Variants in POFUT2 observed in about 807,000 individuals in gnomAD.
The protein encoded by POFUT2 is protein O-fucosyltransferase 2.
In POFUT2, 30 loss-of-function variants were observed where a neutral mutation model predicts 55.0. That is an observed-to-expected ratio of 0.55 (90% CI 0.41 to 0.74). POFUT2 has a LOEUF of 0.74. Among genes scored for constraint, POFUT2 ranks in the 30% least tolerant of loss-of-function variants. The probability of loss-of-function intolerance (pLI) is 0.00; values close to 1 mark genes in which losing one functional copy is unlikely to be tolerated. For missense variants in POFUT2, 524 were observed against 562.6 expected (o/e 0.93, Z 0.69); for synonymous variants, 267 against 231.1 (o/e 1.16, Z -1.41).
intron 4 of POFUT2, among the ~76,000 whole-genome samples, chr21:45,280,365 G>A (rs2030466934): frequency 6.6e-6 from 1 of 152,142 alleles, no homozygotes; most frequent in African/African-American, 2.4e-5. Context: ...ATCTTCAGCT[G>A]TGGATCTACC....
Position 45,267,362 on chromosome 21 carries a change from T to C in POFUT2, c.1136+228A>G. ...GGCCAGCTATGCCAACAGCCTGCTA[T>C]GGAGGAATTCTGTGCATGAGAACTA... On this transcript the variant is annotated intron_variant, in intron 8 of 8. Coordinates refer to ENST00000349485, the MANE Select transcript of POFUT2 (RefSeq NM_133635.6). The surrounding 1 kb of genome is among the most constrained non-coding windows in gnomAD (Gnocchi z 4.4). 6.4e-7 allele frequency: 1 copy of C among 1,563,926 alleles called. No individual in the cohort carries two copies. Among genetic ancestry groups the C allele is most frequent in the Non-Finnish European group, 8.7e-7 (1 of 1,155,278 alleles).
rs1200405710 is a variant in POFUT2, at chr21:45,285,276, C to T, written c.382+402G>A. ...AAATTAAACGAGACAGACCTTTATCCCTGGCGCTGCACTGAGACACCACGA... is the reference window on the plus strand; with the variant it reads ...AAATTAAACGAGACAGACCTTTATCTCTGGCGCTGCACTGAGACACCACGA... On this transcript the variant is annotated intron_variant, in intron 2 of 8. Transcript: ENST00000349485. This position sits in a 1 kb window ranked among gnomAD's most constrained non-coding sequence, Gnocchi z 4.9. The T allele has an allele frequency of 3.8e-6, 1 of 260,478 alleles. No individual in the cohort carries two copies. The highest frequency in any genetic ancestry group is 7.7e-6 in the Non-Finnish European group (1 of 130,316). 16.1% of individuals were successfully genotyped at this position (260,478 alleles called of 1,614,324 possible). A position where few individuals can be genotyped will look rare whatever the true frequency, so the allele number is the denominator to read the frequency against.
At chr21:45,266,250 G>A in intron 8 of POFUT2, 1 of 1,367,588 alleles carries the variant, frequency 7.3e-7, no homozygotes, top group South Asian at 1.1e-5. Flanking sequence ...GCAAACCCCA[G>A]AGATGTTTCC....
In POFUT2 at chr21:45,287,774, G is replaced by A; in HGVS notation, c.98C>T (p.Ala33Val). Residue 33 changes from alanine to valine, a missense_variant, in exon 1 of 9, where the codon GCC (alanine) becomes GTC (valine). This residue lies in a region of POFUT2 where 274 missense variants were observed against 244.4 expected (regional missense o/e 1.12). Coordinates refer to ENST00000349485, the MANE Select transcript of POFUT2 (RefSeq NM_133635.6). ...GQEFWPGQSA[A>V]DILSGAASRR... Reference sequence around the variant, plus strand: ...GGAAGCCGCCCCCGACAGAATATCGGCCGCCGATTGTCCGGGCCAGAACTC... The same window carrying A: ...GGAAGCCGCCCCCGACAGAATATCGACCGCCGATTGTCCGGGCCAGAACTC... 6.6e-7 allele frequency: 1 copy of A among 1,504,048 alleles called. No homozygotes were observed. The highest frequency in any genetic ancestry group is 8.9e-7 in the Non-Finnish European group (1 of 1,121,496). The allele number at this position is 1,504,048 out of a possible 1,614,324, so 93.2% of individuals were successfully genotyped here. A position where few individuals can be genotyped will look rare whatever the true frequency, so the allele number is the denominator to read the frequency against.
rs550794732 is a variant in POFUT2 at position 45,281,629 on chromosome 21, C to T, written c.638+720G>A. Among the ~76,000 whole-genome samples, 19 of 152,066 alleles carry T rather than the reference C, an allele frequency of 1.2e-4. No homozygotes were observed. The highest frequency in any genetic ancestry group is 2.2e-4 in the Non-Finnish European group (15 of 67,986). ...GGCCTCTAGAGGCACACACAGGGCA[C>T]GACAGCAGACAAGGCAGCCTCAACG... On this transcript the variant is annotated intron_variant, in intron 4 of 8. Coordinates refer to ENST00000349485, the MANE Select transcript of POFUT2 (RefSeq NM_133635.6). This position sits in a 1 kb window ranked among gnomAD's most constrained non-coding sequence, Gnocchi z 5.0.
chr21:45,265,560 G>A lies in POFUT2; in HGVS notation c.1212C>T (p.Pro404=). ...CGCAGAACCTGTTGTACGTCGTCTT[G>A]GGGTCCAACCCCAGGATTTCTCTTT... The part of the protein sequence containing the change: ...HEEREILGLD[P]KTTYNRFCGD... Residue 404 remains proline (P), a synonymous_variant, in exon 9 of 9, where the codon CCC becomes CCT. Transcript: ENST00000349485. The surrounding 1 kb of genome is among the most constrained non-coding windows in gnomAD (Gnocchi z 4.6). 1.9e-6 allele frequency: 3 copies of A among 1,614,108 alleles called. No individual in the cohort carries two copies. Among genetic ancestry groups the A allele is most frequent in the Non-Finnish European group, 2.5e-6 (3 of 1,179,992 alleles).
chr21:45,278,235 G>A (rs774965812), intron 4 of POFUT2, 66 bp from the exon 5 acceptor site: 5 of 1,369,094 alleles, frequency 3.7e-6, no homozygotes, highest in Non-Finnish European at 5.2e-6. Flanking sequence ...CACACTCTCA[G>A]AGCACAAACT....
At chr21:45,275,413 T>C (rs2093253773) in intron 6 of POFUT2, among the ~76,000 whole-genome samples, 1 of 152,230 alleles carries the variant, frequency 6.6e-6, no homozygotes, top group Non-Finnish European at 1.5e-5. Context: ...GCAATCCCAC[T>C]GCTGGGTATC....
intron 7 of POFUT2, among the ~76,000 whole-genome samples, chr21:45,268,926 C>T (rs1448454503): frequency 9.6e-5 from 10 of 104,522 alleles, no homozygotes; most frequent in Non-Finnish European, 2.0e-4. Context: ...GTCAGCCCCC[C>T]GCCTGGCCAG....
In POFUT2 at chr21:45,283,446, T is replaced by A; in HGVS notation, c.464A>T (p.Lys155Met). 6.2e-7 allele frequency: 1 copy of A among 1,613,700 alleles called. No individual in the cohort carries two copies. The highest frequency in any genetic ancestry group is 8.5e-7 in the Non-Finnish European group (1 of 1,179,812). Residue 155 changes from lysine (K) to methionine (M), a missense_variant, in exon 3 of 9, where the codon AAG becomes ATG. Lys to Met is a moderately conservative substitution (Grantham distance 95, BLOSUM62 -1). Around this residue, in one of 2 missense-constraint regions of POFUT2, gnomAD observed 274 missense variants for 244.4 expected, o/e 1.12. Transcript: ENST00000349485. Reference protein sequence around the residue: ...EGWKEGTWEEKVDERPCIDQL... With the variant: ...EGWKEGTWEEMVDERPCIDQL... Reference sequence around the variant, plus strand: ...ATCAATACACGGCCGCTCGTCCACCTTCTCTTCCCAGGTCCCTTCTTTCCA... The same window carrying A: ...ATCAATACACGGCCGCTCGTCCACCATCTCTTCCCAGGTCCCTTCTTTCCA...
Position 45,285,804 on chromosome 21 carries a change from A to C in POFUT2, c.256T>G (p.Trp86Gly), listed in dbSNP as rs201144923. ...TEEWVLVLPP[W>G]GRLYHWQSPD... ...CTCTGCCAGTGATAGAGGCGGCCCC[A>C]TGGAGGCAGGACAAGCACCCACTCC... The change falls in exon 2 of 9, where the codon TGG (tryptophan) becomes GGG (glycine). Residue 86 changes from tryptophan (W) to glycine (G), a missense_variant. By Grantham distance (184) the Trp-to-Gly change is radical. This residue lies in a region of POFUT2 where 274 missense variants were observed against 244.4 expected (regional missense o/e 1.12). Transcript: ENST00000349485. This position sits in a 1 kb window ranked among gnomAD's most constrained non-coding sequence, Gnocchi z 4.9. The C allele has an allele frequency of 6.2e-7, 1 of 1,613,552 alleles. No homozygotes were observed. Among genetic ancestry groups the C allele is most frequent in the Non-Finnish European group, 8.5e-7 (1 of 1,180,020 alleles).
At position 45,265,677 on chromosome 21, in the gene POFUT2, C is replaced by T. The variant is rs1006887; in HGVS notation, c.1137-42G>A. 8.7e-7 allele frequency: 1 copy of T among 1,154,248 alleles called. No homozygotes were observed. The highest frequency in any genetic ancestry group is 1.2e-6 in the Non-Finnish European group (1 of 841,952). 71.5% of individuals were successfully genotyped at this position (1,154,248 alleles called of 1,614,324 possible). A position where few individuals can be genotyped will look rare whatever the true frequency, so the allele number is the denominator to read the frequency against. Reference sequence around the variant, plus strand: ...AGGTTCCAGAGTCAGGGAGAACTGGCGTCACAGAGGTTCCAGAGTCAGGGA... The same window carrying T: ...AGGTTCCAGAGTCAGGGAGAACTGGTGTCACAGAGGTTCCAGAGTCAGGGA... On this transcript the variant is annotated intron_variant, in intron 8 of 8. Transcript: ENST00000349485. The surrounding 1 kb of genome is among the most constrained non-coding windows in gnomAD (Gnocchi z 4.6).
intron 8 of POFUT2, chr21:45,266,907 A>C (rs1241343192): frequency 2.0e-6 from 2 of 1,014,374 alleles, no homozygotes; most frequent in Non-Finnish European, 2.4e-6. Flanking sequence ...CCCAGCCTTC[A>C]TCTCCTATGC....
rs2030668418 is a variant in POFUT2 at position 45,281,736 on chromosome 21, G to T, written c.638+613C>A. 6.6e-6 allele frequency among the ~76,000 whole-genome samples: 1 copy of T among 152,040 alleles called. No individual in the cohort carries two copies. Among genetic ancestry groups the T allele is most frequent in the Non-Finnish European group, 1.5e-5 (1 of 68,016 alleles). ...ACAGTGCCTGCTGGGGGATTCAGAAGACCCAAGGGAGGTGACGGAGAGGGT... is the reference window on the plus strand; with the variant it reads ...ACAGTGCCTGCTGGGGGATTCAGAATACCCAAGGGAGGTGACGGAGAGGGT... On this transcript the variant is annotated intron_variant, in intron 4 of 8. Transcript: ENST00000349485. This position sits in a 1 kb window ranked among gnomAD's most constrained non-coding sequence, Gnocchi z 5.0.
chr21:45,278,268 G>C lies in POFUT2; in HGVS notation c.639-99C>G, dbSNP rs1190275917. The C allele has an allele frequency of 7.6e-6, 8 of 1,050,442 alleles. No individual in the cohort carries two copies. In the African/African-American group the frequency reaches 9.3e-5, roughly 12 times the overall value. The allele number at this position is 1,050,442 out of a possible 1,614,324, so 65.1% of individuals were successfully genotyped here. The stretch of plus-strand genomic sequence containing the variant: ...ACTGGGAGAACCCCGGGCCGAGGAA[G>C]CAGAGACCAAGTCTCCGAGGGACAC... On this transcript the variant is annotated intron_variant, in intron 4 of 8. Transcript: ENST00000349485.
chr21:45,275,014 T>C lies in POFUT2; in HGVS notation c.831+2003A>G, dbSNP rs76240293. On this transcript the variant is annotated intron_variant, in intron 6 of 8. Transcript: ENST00000349485. ...AGCTCCCAGAGTGGGAGGAAATACT[T>C]GCACACTTTGCATCCGACCAAGGAC... Among the ~76,000 whole-genome samples, 355 of 152,266 alleles carry C rather than the reference T, an allele frequency of 2.3e-3. 1 individual carries two copies. Among genetic ancestry groups the C allele is most frequent in the African/African-American group, 7.9e-3 (329 of 41,542 alleles).
At position 45,283,396 on chromosome 21, in the gene POFUT2, G is replaced by C; in HGVS notation, c.514C>G (p.His172Asp). ...IDQLLYSQDK[H>D]EYYRGWFWGY... ...CTCAGCAGGCACCTGTAGTACTCGT[G>C]CTTGTCCTGGGAGTACAGGAGCTGA... Residue 172 changes from histidine to aspartate, a missense_variant, in exon 3 of 9, where the codon CAC becomes GAC. Physicochemically the swap from His to Asp is moderately conservative, Grantham distance 81. Coordinates refer to ENST00000349485, the MANE Select transcript of POFUT2 (RefSeq NM_133635.6). 6.2e-7 allele frequency: 1 copy of C among 1,611,166 alleles called. No individual in the cohort carries two copies. The highest frequency in any genetic ancestry group is 8.5e-7 in the Non-Finnish European group (1 of 1,179,432).
At chr21:45,266,509 G>A in intron 8 of POFUT2, 1 of 1,090,250 alleles carries the variant, frequency 9.2e-7, no homozygotes, top group Non-Finnish European at 1.1e-6. Context: ...CAGGCTTCCT[G>A]GGCTGCGGAG....
Position 45,284,030 on chromosome 21 carries a change from G to T in POFUT2, c.383-503C>A, listed in dbSNP as rs1039403612. The stretch of plus-strand genomic sequence containing the variant: ...AGCAGGAGTCGTGCCTCTTACCCAC[G>T]GCCCGACCCGCACCAAGAAGGTGGC... On this transcript the variant is annotated intron_variant, in intron 2 of 8. Transcript: ENST00000349485. The surrounding 1 kb of genome is among the most constrained non-coding windows in gnomAD (Gnocchi z 5.8). 6.6e-6 allele frequency among the ~76,000 whole-genome samples: 1 copy of T among 152,180 alleles called. No individual in the cohort carries two copies. The highest frequency in any genetic ancestry group is 1.5e-5 in the Non-Finnish European group (1 of 68,044).
Sources: allele counts gnomAD v4.1 joint callset (sites outside exome capture counted in the v4.1 genomes callset), GRCh38; gene constraint gnomAD v4.1.1; regional missense constraint gnomAD v4.1.1; non-coding constraint Gnocchi (gnomAD v3.1); transcripts MANE v1.5; gene names NCBI Gene and HGNC (gene_info 2026-07-23, HGNC 2026-07-21).